COL16A1: variants seen among roughly 807,000 people sequenced by gnomAD.
COL16A1 encodes collagen alpha-1(XVI) chain.
A neutral mutation model predicts 266.3 loss-of-function variants in COL16A1; 189 were observed. The ratio of observed to expected loss-of-function variants is 0.71; its 90% CI spans 0.63 to 0.80. The LOEUF is 0.80. Among genes scored for constraint, COL16A1 ranks in the 30% least tolerant of loss-of-function variants. The pLI, the probability that COL16A1 is intolerant of heterozygous loss-of-function variation, is 0.00. For missense variants in COL16A1, 1,928 were observed against 2,122.4 expected (o/e 0.91, Z 1.80); for synonymous variants, 740 against 782.3 (o/e 0.95, Z 0.90).
At chr1:31,695,488 C>T (rs1321458104) in intron 10 of COL16A1, among the ~76,000 whole-genome samples, 1 of 150,058 alleles carries the variant, frequency 6.7e-6, no homozygotes, top group African/African-American at 2.5e-5. Context: ...CAGAGTACGG[C>T]CCAGAATCCA....
At position 31,686,315 on chromosome 1, in the gene COL16A1, G is replaced by T. The variant is rs1481634798; in HGVS notation, c.1804-36C>A. ...GCACAGAAACCATGATTAAAGAGGG[G>T]ATGGAGTCTGGGTGCTAGAGCAATC... On this transcript the variant is annotated intron_variant, in intron 26 of 70. Coordinates refer to ENST00000373672, the MANE Select transcript of COL16A1 (RefSeq NM_001856.4). 4 of 1,614,028 alleles carry T rather than the reference G, an allele frequency of 2.5e-6. No individual in the cohort carries two copies. In the African/African-American group the frequency reaches 4.0e-5, roughly 16 times the overall value.
intron 39 of COL16A1, among the ~76,000 whole-genome samples, chr1:31,680,576 G>A (rs1182669493): frequency 6.6e-6 from 1 of 152,132 alleles, no homozygotes; most frequent in Non-Finnish European, 1.5e-5. Flanking sequence ...CTCTGACTCA[G>A]CCCCCATTTG....
At position 31,652,986 on chromosome 1, in the gene COL16A1, T is replaced by A; in HGVS notation, c.4613-133A>T. On this transcript the variant is annotated intron_variant, in intron 70 of 70. Coordinates refer to ENST00000373672, the MANE Select transcript of COL16A1 (RefSeq NM_001856.4). This position sits in a 1 kb window ranked among gnomAD's most constrained non-coding sequence, Gnocchi z 4.8. Reference sequence around the variant, plus strand: ...GTTACCACATGTTTTCATGAAGACCTAGTCTGATCCTCACGTTGATTTAAC... The same window carrying A: ...GTTACCACATGTTTTCATGAAGACCAAGTCTGATCCTCACGTTGATTTAAC... 1.1e-6 allele frequency: 1 copy of A among 907,802 alleles called. No homozygotes were observed. The highest frequency in any genetic ancestry group is 3.1e-5 in the East Asian group (1 of 31,972). The allele number at this position is 907,802 out of a possible 1,614,324, so 56.2% of individuals were successfully genotyped here.
intron 42 of COL16A1, among the ~76,000 whole-genome samples, chr1:31,676,312 G>A (rs998891267): frequency 7.0e-6 from 1 of 143,576 alleles, no homozygotes; most frequent in Admixed American, 7.1e-5. Flanking sequence ...GCAACAGAGG[G>A]AGACTCCGTC....
Position 31,684,842 on chromosome 1 carries a change from C to A in COL16A1, c.2031G>T (p.Glu677Asp), listed in dbSNP as rs1307670853. Residue 677 changes from glutamate (E) to aspartate (D), a missense_variant, in exon 30 of 71, where the codon GAG becomes GAT. This residue lies in a region of COL16A1 where 1,552 missense variants were observed against 1,637.2 expected (regional missense o/e 0.95). Coordinates refer to ENST00000373672, the MANE Select transcript of COL16A1 (RefSeq NM_001856.4). ...GLPGKQGKAG[E>D]RGLKGQKGDA... Reference sequence around the variant, plus strand: ...TCACCTTCTGCCCCTTCAGTCCACGCTCTCCAGCCTTGCCCTGAGGAGAAA... The same window carrying A: ...TCACCTTCTGCCCCTTCAGTCCACGATCTCCAGCCTTGCCCTGAGGAGAAA... The A allele has an allele frequency of 3.1e-6, 5 of 1,614,156 alleles. No homozygotes were observed. The highest frequency in any genetic ancestry group is 4.2e-6 in the Non-Finnish European group (5 of 1,180,038).
chr1:31,684,686 C>T, intron 30 of COL16A1, 56 bp from the exon 31 acceptor site: 1 of 1,607,128 alleles, frequency 6.2e-7, no homozygotes, highest in Non-Finnish European at 8.5e-7. Flanking sequence ...GGCAGGTTGC[C>T]CCCCTGGGAC....
intron 2 of COL16A1, 39 bp downstream of exon 2, chr1:31,702,082 G>A (rs765209212): frequency 4.7e-5 from 76 of 1,613,452 alleles, no homozygotes; most frequent in Non-Finnish European, 6.2e-5. Context: ...GATACCAGTT[G>A]CAGGCCTGTG....
rs957775343 is a variant in COL16A1 at position 31,668,627 on chromosome 1, C to G, written c.3249+175G>C. ...GGCACATGGAGATCGGCCTCCTTTG[C>G]TCCTGGGGGAGTGTGGAAACCTCAC... is the stretch of plus-strand genomic sequence containing the variant. On this transcript the variant is annotated intron_variant, in intron 50 of 70. Coordinates refer to ENST00000373672, the MANE Select transcript of COL16A1 (RefSeq NM_001856.4). This position sits in a 1 kb window ranked among gnomAD's most constrained non-coding sequence, Gnocchi z 5.8. Among the ~76,000 whole-genome samples the G allele has an allele frequency of 6.6e-6, 1 of 152,104 alleles. No homozygotes were observed. Among genetic ancestry groups the G allele is most frequent in the South Asian group, 2.1e-4 (1 of 4,820 alleles).
intron 1 of COL16A1, among the ~76,000 whole-genome samples, chr1:31,702,810 C>T (rs905025410): frequency 2.0e-5 from 3 of 152,164 alleles, no homozygotes; most frequent in African/African-American, 4.8e-5. Context: ...GGAAGCTTTC[C>T]CCATAGGTAT....
rs377039310 is a variant in COL16A1, at chr1:31,662,382, G to A, written c.3633C>T (p.Pro1211=). 34 of 1,589,784 alleles carry A rather than the reference G, an allele frequency of 2.1e-5. No homozygotes were observed. The highest frequency in any genetic ancestry group is 1.9e-4 in the South Asian group (17 of 90,102). ...GPPGPPGIQG[P]AGLDGLDGKD... ...TCCCATCCAAACCATCCAGACCGGC[G>A]GGGCCCTGGAAACAGGAAAGAGGCA... is the stretch of plus-strand genomic sequence containing the variant. The change falls in exon 58 of 71, where the codon CCC becomes CCT. Residue 1211 remains proline (P), a synonymous_variant. Coordinates refer to ENST00000373672, the MANE Select transcript of COL16A1 (RefSeq NM_001856.4).
At position 31,690,558 on chromosome 1, in the gene COL16A1, G is replaced by A; in HGVS notation, c.1453C>T (p.Pro485Ser). 1 of 1,613,768 alleles carries A rather than the reference G, an allele frequency of 6.2e-7. No individual in the cohort carries two copies. The highest frequency in any genetic ancestry group is 8.5e-7 in the Non-Finnish European group (1 of 1,179,856). ...TTCCCACCAGGGCCTTCCTTTCCTG[G>A]GATCCCCGAGCTGCCCTGTGGTCAG... ...PKGDKGSSGI[P>S]GKEGPGGKPG... The change falls in exon 21 of 71, where the codon CCA becomes TCA. Residue 485 changes from proline (P) to serine (S), a missense_variant. By Grantham distance (74) the Pro-to-Ser change is moderately conservative. Transcript: ENST00000373672.
intron 39 of COL16A1, among the ~76,000 whole-genome samples, 188 bp downstream of exon 39, chr1:31,680,717 C>T (rs1263852290): frequency 1.3e-5 from 2 of 152,160 alleles, no homozygotes; most frequent in Non-Finnish European, 2.9e-5. Context: ...CTGGGGGTAG[C>T]AAGGAGCCCA....
Position 31,668,510 on chromosome 1 carries a change from G to C in COL16A1, c.3249+292C>G, listed in dbSNP as rs1288551561. 6.6e-6 allele frequency among the ~76,000 whole-genome samples: 1 copy of C among 152,192 alleles called. No homozygotes were observed. Among genetic ancestry groups the C allele is most frequent in the Non-Finnish European group, 1.5e-5 (1 of 68,026 alleles). On this transcript the variant is annotated intron_variant, in intron 50 of 70. Transcript: ENST00000373672. This position sits in a 1 kb window ranked among gnomAD's most constrained non-coding sequence, Gnocchi z 5.8. ...GACCAGGGAAGAGGGGGTGGGCTGG[G>C]ATGCTGAGTGACAACAGCCGAGGGA...
At chr1:31,672,341 G>A (rs1487279965) in intron 47 of COL16A1, 75 bp downstream of exon 47, 13 of 1,554,040 alleles carry the variant, frequency 8.4e-6, no homozygotes, top group African/African-American at 8.1e-5. Flanking sequence ...GTGAGGCCTC[G>A]GAGGCCCCCA....
chr1:31,672,753 C>T lies in COL16A1; in HGVS notation c.2947G>A (p.Gly983Ser). The part of the protein sequence containing the change: ...KGEKGDQGIP[G>S]VPGLDNCAQC... ...GCGCAGTTGTCGAGGCCTGGCACAC[C>T]AGGGATGCCCTGGTCTCCCTTCTCT... The change falls in exon 45 of 71, where the codon GGT (glycine) becomes AGT (serine). Residue 983 changes from glycine to serine, a missense_variant. Physicochemically the swap from Gly to Ser is moderately conservative, Grantham distance 56. Transcript: ENST00000373672. 13 of 1,614,164 alleles carry T rather than the reference C, an allele frequency of 8.1e-6. No individual in the cohort carries two copies. Among genetic ancestry groups the T allele is most frequent in the Non-Finnish European group, 1.1e-5 (13 of 1,179,982 alleles).
intron 70 of COL16A1, among the ~76,000 whole-genome samples, chr1:31,653,208 A>C (rs1197663469): frequency 6.6e-6 from 1 of 152,358 alleles, no homozygotes; most frequent in Admixed American, 6.5e-5. Context: ...GAGCCAGGTC[A>C]TCAGGCTTTG....
chr1:31,680,065 C>T lies in COL16A1; in HGVS notation c.2647G>A (p.Asp883Asn), dbSNP rs1429947005. The T allele has an allele frequency of 6.2e-7, 1 of 1,613,838 alleles. No homozygotes were observed. Among genetic ancestry groups the T allele is most frequent in the Non-Finnish European group, 8.5e-7 (1 of 1,179,946 alleles). ...ACCGGCATGCCAGAGAAGATGAGGTCTCCTTGAGAGGGGCAGGAGCACTCC... is the reference window on the plus strand; with the variant it reads ...ACCGGCATGCCAGAGAAGATGAGGTTTCCTTGAGAGGGGCAGGAGCACTCC... The part of the protein sequence containing the change: ...PGECSCPSQG[D>N]LIFSGMPGAP... The change falls in exon 40 of 71, where the codon GAC becomes AAC. Residue 883 changes from aspartate to asparagine, a missense_variant. By Grantham distance (23) the Asp-to-Asn change is conservative. This residue lies in a region of COL16A1 where 1,552 missense variants were observed against 1,637.2 expected (regional missense o/e 0.95). Transcript: ENST00000373672.
At chr1:31,674,386 G>A (rs993282344) in intron 44 of COL16A1, among the ~76,000 whole-genome samples, 3 of 152,232 alleles carry the variant, frequency 2.0e-5, no homozygotes, top group African/African-American at 7.2e-5. Flanking sequence ...AAGCAAAGAT[G>A]GGCTATGTGA....
intron 34 of COL16A1, 32 bp downstream of exon 34, chr1:31,683,675 G>C (rs762534825): frequency 6.2e-7 from 1 of 1,614,080 alleles, no homozygotes; most frequent in South Asian, 1.1e-5. Flanking sequence ...GAAGTGCTGA[G>C]AGGACAGGCA....
Sources: gnomAD v4.1 joint callset for allele counts (sites outside exome capture counted in the v4.1 genomes callset) on GRCh38, gnomAD v4.1.1 for gene constraint, gnomAD v4.1.1 regional missense constraint, Gnocchi (gnomAD v3.1) non-coding constraint, MANE v1.5 for transcripts, NCBI Gene and HGNC (gene_info 2026-07-23, HGNC 2026-07-21) for gene names.